Variants in PLXNA4 observed in about 807,000 individuals in gnomAD.
PLXNA4 encodes plexin-A4.
In PLXNA4, 44 loss-of-function variants were observed where a neutral mutation model predicts 191.8. That is an observed-to-expected ratio of 0.23 (90% CI 0.18 to 0.29). The LOEUF (loss-of-function observed/expected upper bound fraction) is 0.29, where lower values mean the gene tolerates loss of function less well. Ranked by LOEUF, PLXNA4 falls within the 10% of genes least tolerant of loss-of-function variation. The probability of loss-of-function intolerance (pLI) is 1.00; values close to 1 mark genes in which losing one functional copy is unlikely to be tolerated. For missense variants in PLXNA4, 1,800 were observed against 2,488.8 expected (o/e 0.72, Z 5.89); for synonymous variants, 1,082 against 1,009.5 (o/e 1.07, Z -1.36).
At chr7:132,241,576 T>G (rs958757714) in intron 4 of PLXNA4, among the ~76,000 whole-genome samples, 7 of 152,224 alleles carry the variant, frequency 4.6e-5, no homozygotes, top group African/African-American at 1.2e-4. Context: ...ATGGTTTCTC[T>G]TTTTCTGTAG....
intron 3 of PLXNA4, among the ~76,000 whole-genome samples, chr7:132,383,062 C>T (rs1023987031): frequency 7.2e-5 from 11 of 152,038 alleles, no homozygotes; most frequent in Admixed American, 3.3e-4. Context: ...TGTAGGAAAC[C>T]CTTAATACAT....
intron 3 of PLXNA4, among the ~76,000 whole-genome samples, chr7:132,396,111 A>C (rs1319717636): frequency 6.6e-6 from 1 of 152,194 alleles, no homozygotes; most frequent in African/African-American, 2.4e-5. Context: ...AGCTGTGGTC[A>C]AAGTGATCAC....
At chr7:132,458,843 A>G (rs879414571) in intron 3 of PLXNA4, among the ~76,000 whole-genome samples, 13 of 152,180 alleles carry the variant, frequency 8.5e-5, no homozygotes, top group Non-Finnish European at 1.0e-4. Context: ...GTTTGGAAAC[A>G]GTCCCTCTGC....
chr7:132,228,867 G>T (rs1242448239), intron 5 of PLXNA4, among the ~76,000 whole-genome samples: 1 of 152,144 alleles, frequency 6.6e-6, no homozygotes, highest in African/African-American at 2.4e-5. Context: ...GAACATGCCA[G>T]TTCTTCTGCT....
chr7:132,474,621 TACAC>T (rs201235696), intron 3 of PLXNA4, among the ~76,000 whole-genome samples: 1 of 146,628 alleles, frequency 6.8e-6, no homozygotes, highest in Admixed American at 6.8e-5. Context: ...TGAGCACATG[TACAC>T]ACACACACAC....
At chr7:132,407,649 G>A (rs1794277918) in intron 3 of PLXNA4, among the ~76,000 whole-genome samples, 1 of 152,222 alleles carries the variant, frequency 6.6e-6, no homozygotes, top group African/African-American at 2.4e-5. Flanking sequence ...CTCTCCTGGT[G>A]TGGAGGGTGG....
chr7:132,352,941 CA>C (rs1469048441), intron 3 of PLXNA4, among the ~76,000 whole-genome samples: 2 of 152,048 alleles, frequency 1.3e-5, no homozygotes, highest in African/African-American at 4.8e-5. Context: ...GGTACAGAGA[CA>C]AGTATGTATG....
chr7:132,635,170 T>TTATTTATATATATATATATATATATATA (rs1470708373), intron 2 of PLXNA4, among the ~76,000 whole-genome samples: 15 of 131,814 alleles, frequency 1.1e-4, no homozygotes, highest in Non-Finnish European at 1.9e-4. Context: ...AAACTCCCCT[T>TTATTTATATATATATATATATATATATA]TATATATATA....
At chr7:132,160,937 C>A (rs1300742388) in intron 24 of PLXNA4, among the ~76,000 whole-genome samples, 1 of 38,436 alleles carries the variant, frequency 2.6e-5, no homozygotes, top group Non-Finnish European at 2.3e-4. Context: ...AAAAAAAAAC[C>A]CCTGAAATCT....
intron 3 of PLXNA4, among the ~76,000 whole-genome samples, chr7:132,367,047 A>C (rs1437370195): frequency 6.6e-6 from 1 of 152,236 alleles, no homozygotes; most frequent in Non-Finnish European, 1.5e-5. Flanking sequence ...CTTGGATTAC[A>C]GGCATGAGCC....
intron 3 of PLXNA4, among the ~76,000 whole-genome samples, chr7:132,417,770 C>A (rs188389981): frequency 2.6e-5 from 4 of 151,858 alleles, no homozygotes; most frequent in African/African-American, 9.7e-5. Flanking sequence ...TCAACAAATG[C>A]CCAATCTGTT....
At chr7:132,574,505 C>T (rs1368919939) in intron 1 of PLXNA4, among the ~76,000 whole-genome samples, 1 of 152,168 alleles carries the variant, frequency 6.6e-6, no homozygotes, top group African/African-American at 2.4e-5. Flanking sequence ...ATGGCGGGGG[C>T]GGGGAGCTGA....
chr7:132,384,183 T>A lies in PLXNA4; in HGVS notation c.1372-85961A>T, dbSNP rs569407139. 4.1e-6 allele frequency: 4 copies of A among 985,414 alleles called. No individual in the cohort carries two copies. In the African/African-American group the frequency reaches 7.0e-5, roughly 17 times the overall value. 61.0% of individuals were successfully genotyped at this position (985,414 alleles called of 1,614,324 possible). A position where few individuals can be genotyped will look rare whatever the true frequency, so the allele number is the denominator to read the frequency against. On this transcript the variant is annotated intron_variant, in intron 3 of 31. Transcript: ENST00000321063. ...ACCTGTGGCACACCCTAAAGAGAAT[T>A]ACACTGTTGTGTATCCTCCAGGAAC...
chr7:132,529,270 T>C (rs1295555999), intron 1 of PLXNA4, among the ~76,000 whole-genome samples: 1 of 152,200 alleles, frequency 6.6e-6, no homozygotes, highest in Non-Finnish European at 1.5e-5. Flanking sequence ...AAACACCTGC[T>C]ACCTTCTCAT....
At chr7:132,592,128 T>A (rs193251625) in intron 2 of PLXNA4, among the ~76,000 whole-genome samples, 2 of 152,286 alleles carry the variant, frequency 1.3e-5, no homozygotes, top group East Asian at 3.9e-4. Flanking sequence ...GGTCTGGGCA[T>A]TCTCTGTGCA....
chr7:132,363,321 A>G (rs1367540121), intron 3 of PLXNA4, among the ~76,000 whole-genome samples: 4 of 152,132 alleles, frequency 2.6e-5, no homozygotes, highest in Non-Finnish European at 5.9e-5. Flanking sequence ...TGCAACTCTG[A>G]ATCCATTAAA....
At chr7:132,212,899 T>C (rs1035020437) in intron 9 of PLXNA4, among the ~76,000 whole-genome samples, 1 of 152,092 alleles carries the variant, frequency 6.6e-6, no homozygotes, top group African/African-American at 2.4e-5. Context: ...GAAATTCCAC[T>C]CCTGGGTTTA....
chr7:132,224,170 C>A (rs1371686527), intron 8 of PLXNA4, among the ~76,000 whole-genome samples: 1 of 152,158 alleles, frequency 6.6e-6, no homozygotes, highest in East Asian at 1.9e-4. Context: ...GAGCTCCTGA[C>A]TCCTTAAAAG....
chr7:132,557,367 T>C (rs575450526), intron 1 of PLXNA4, among the ~76,000 whole-genome samples: 1 of 152,230 alleles, frequency 6.6e-6, no homozygotes, highest in African/African-American at 2.4e-5. Flanking sequence ...AGCCAGGATG[T>C]TTGGCTCAGA....
Sources: gnomAD v4.1 joint callset for allele counts (sites outside exome capture counted in the v4.1 genomes callset) on GRCh38, gnomAD v4.1.1 for gene constraint, MANE v1.5 for transcripts, NCBI Gene and HGNC (gene_info 2026-07-23, HGNC 2026-07-21) for gene names.